UBE3A: variants seen among roughly 807,000 people sequenced by gnomAD.
The protein encoded by UBE3A is ubiquitin-protein ligase E3A.
UBE3A carries 6 observed loss-of-function variants against 83.4 expected under a neutral mutation model. The ratio of observed to expected loss-of-function variants is 0.07; its 90% CI spans 0.04 to 0.14. The LOEUF is 0.14. Ranked by LOEUF, UBE3A falls within the 10% of genes least tolerant of loss-of-function variation. The probability of loss-of-function intolerance (pLI) is 1.00; values close to 1 mark genes in which losing one functional copy is unlikely to be tolerated. For missense variants in UBE3A, 456 were observed against 1,036.1 expected (o/e 0.44, Z 7.69); for synonymous variants, 337 against 355.4 (o/e 0.95, Z 0.58).
At chr15:25,351,947 A>ACTT (rs1333375702) in intron 11 of UBE3A, among the ~76,000 whole-genome samples, 1 of 151,904 alleles carries the variant, frequency 6.6e-6, no homozygotes, top group Non-Finnish European at 1.5e-5. Context: ...TAATCCCAGC[A>ACTT]CTTTGGGAGG....
chr15:25,336,316 C>A lies in UBE3A; in HGVS notation c.*2821G>T, dbSNP rs1015378243. On this transcript the variant is annotated 3_prime_UTR_variant, in exon 13 of 13. Coordinates refer to ENST00000648336, the MANE Select transcript of UBE3A (RefSeq NM_130839.5). ...AATTACAGTAAGCAGGTAAAGGGAT[C>A]AAGACTACACAGGGACTAGTCTTGG... The A allele has an allele frequency of 1.3e-5, 2 of 152,012 alleles. No homozygotes were observed. Among genetic ancestry groups the A allele is most frequent in the East Asian group, 3.9e-4 (2 of 5,172 alleles). The allele number at this position is 152,012 out of a possible 1,614,324, so 9.4% of individuals were successfully genotyped here.
chr15:25,375,822 T>TCAA, intron 4 of UBE3A, 59 bp from the exon 5 acceptor site: 1 of 1,588,630 alleles, frequency 6.3e-7, no homozygotes, highest in Non-Finnish European at 8.5e-7. Context: ...AGTACAAAGC[T>TCAA]CAACATATCA....
At chr15:25,413,844 C>G (rs2090425636) in intron 1 of UBE3A, among the ~76,000 whole-genome samples, 1 of 152,128 alleles carries the variant, frequency 6.6e-6, no homozygotes, top group Non-Finnish European at 1.5e-5. Flanking sequence ...TCCTCACCTC[C>G]TCTGGCTTCC....
intron 4 of UBE3A, among the ~76,000 whole-genome samples, chr15:25,380,291 A>C (rs2152885365): frequency 6.6e-6 from 1 of 152,128 alleles, no homozygotes; most frequent in South Asian, 2.1e-4. Flanking sequence ...GTGAAAAAGG[A>C]CTAATACAAT....
At chr15:25,366,780 C>T (rs1486541460) in intron 6 of UBE3A, among the ~76,000 whole-genome samples, 3 of 152,040 alleles carry the variant, frequency 2.0e-5, no homozygotes, top group Non-Finnish European at 4.4e-5. Flanking sequence ...CATAAACACA[C>T]ATGCACACAC....
chr15:25,407,980 A>C (rs1014987004), intron 3 of UBE3A: 2 of 152,202 alleles, frequency 1.3e-5, no homozygotes, highest in Non-Finnish European at 1.5e-5. Context: ...TCATGTCTGT[A>C]ATCTCAGCAC....
At chr15:25,408,633 G>T in intron 3 of UBE3A, 3 of 1,613,806 alleles carry the variant, frequency 1.9e-6, no homozygotes, top group East Asian at 2.2e-5. Context: ...CAATAACACT[G>T]GTGCAGCTTC....
At chr15:25,344,134 T>C (rs2061651594) in intron 11 of UBE3A, among the ~76,000 whole-genome samples, 1 of 152,198 alleles carries the variant, frequency 6.6e-6, no homozygotes, top group African/African-American at 2.4e-5. Context: ...ACTTTACATA[T>C]GTACGGAATA....
At chr15:25,339,908 C>T (rs2074445381) in intron 12 of UBE3A, 177 bp downstream of exon 12, 1 of 815,544 alleles carries the variant, frequency 1.2e-6, no homozygotes, top group African/African-American at 1.7e-5. Flanking sequence ...AGGGCAATTT[C>T]TTAAAAGTTT....
At chr15:25,398,760 T>A (rs2086186563) in intron 4 of UBE3A, among the ~76,000 whole-genome samples, 1 of 129,690 alleles carries the variant, frequency 7.7e-6, no homozygotes, top group Non-Finnish European at 1.7e-5. Flanking sequence ...GCACTGATTT[T>A]ATTCTTTTAT....
intron 4 of UBE3A, among the ~76,000 whole-genome samples, chr15:25,399,915 T>C (rs909828103): frequency 6.6e-6 from 1 of 152,120 alleles, no homozygotes; most frequent in African/African-American, 2.4e-5. Context: ...TTATAATTAC[T>C]GTAGCTTTGA....
At chr15:25,419,314 A>AGAC (rs1247504820) in intron 1 of UBE3A, 1 of 152,204 alleles carries the variant, frequency 6.6e-6, no homozygotes. Flanking sequence ...CACTAGAAGA[A>AGAC]GACAGGATGG....
At chr15:25,368,746 CTAGAA>C (rs1470390321) in intron 6 of UBE3A, among the ~76,000 whole-genome samples, 2 of 152,008 alleles carry the variant, frequency 1.3e-5, no homozygotes, top group African/African-American at 2.4e-5. Context: ...CCTTAAAATT[CTAGAA>C]TAGAATTTAA....
chr15:25,383,825 T>TAGACATCCTGCC (rs1321809687), intron 4 of UBE3A, among the ~76,000 whole-genome samples: 1 of 152,066 alleles, frequency 6.6e-6, no homozygotes, highest in Non-Finnish European at 1.5e-5. Context: ...AACATACTGT[T>TAGACATCCTGCC]AGACATCCTG....
intron 2 of UBE3A, among the ~76,000 whole-genome samples, chr15:25,411,023 T>A (rs1240731033): frequency 1.3e-5 from 2 of 152,160 alleles, no homozygotes; most frequent in Non-Finnish European, 2.9e-5. Flanking sequence ...CTCAATGTAA[T>A]TAAAGAGCTA....
rs1566814985 is a variant in UBE3A, at chr15:25,338,655, T to TTAGA, written c.*478_*481dup. The TTAGA allele has an allele frequency of 6.6e-6, 1 of 152,126 alleles. No homozygotes were observed. Among genetic ancestry groups the TTAGA allele is most frequent in the Non-Finnish European group, 1.5e-5 (1 of 68,042 alleles). 9.4% of individuals were successfully genotyped at this position (152,126 alleles called of 1,614,324 possible). A position where few individuals can be genotyped will look rare whatever the true frequency, so the allele number is the denominator to read the frequency against. ...AAAAAAATACAGTTCCTGATTTGAG[T>TTAGA]TAGATACAGGGACAAAAAAGTAGCA... On this transcript the variant is annotated 3_prime_UTR_variant, in exon 13 of 13. Transcript: ENST00000648336.
chr15:25,385,382 A>C (rs2082933546), intron 4 of UBE3A, among the ~76,000 whole-genome samples: 1 of 152,192 alleles, frequency 6.6e-6, no homozygotes, highest in Non-Finnish European at 1.5e-5. Flanking sequence ...AATGTCAATT[A>C]AAACTGCAAT....
chr15:25,392,940 T>C (rs1596060892), intron 4 of UBE3A, among the ~76,000 whole-genome samples: 1 of 152,216 alleles, frequency 6.6e-6, no homozygotes, highest in Admixed American at 6.5e-5. Context: ...CTTCTCCTCA[T>C]AAAAATACAT....
chr15:25,338,392 T>A lies in UBE3A; in HGVS notation c.*745A>T, dbSNP rs2074171478. 1 of 150,932 alleles carries A rather than the reference T, an allele frequency of 6.6e-6. No homozygotes were observed. The highest frequency in any genetic ancestry group is 2.1e-4 in the South Asian group (1 of 4,782). 9.3% of individuals were successfully genotyped at this position (150,932 alleles called of 1,614,324 possible). ...AAAGAGGATTGGCTACTGAAACAGT[T>A]CATTGCAAGACACATGAAGACGACA... On this transcript the variant is annotated 3_prime_UTR_variant, in exon 13 of 13. Transcript: ENST00000648336.
Sources: gnomAD v4.1 joint callset for allele counts (sites outside exome capture counted in the v4.1 genomes callset) on GRCh38, gnomAD v4.1.1 for gene constraint, MANE v1.5 for transcripts, NCBI Gene and HGNC (gene_info 2026-07-23, HGNC 2026-07-21) for gene names.